CAST: variants seen among roughly 807,000 people sequenced by gnomAD.
CAST encodes calpastatin.
CAST carries 76 observed loss-of-function variants against 119.6 expected under a neutral mutation model. The ratio of observed to expected loss-of-function variants is 0.64; its 90% CI spans 0.53 to 0.77. The LOEUF is 0.77. Among genes scored for constraint, CAST ranks in the 30% least tolerant of loss-of-function variants. CAST has a pLI of 0.00. For synonymous variants in CAST, 319 were observed against 331.6 expected (o/e 0.96, Z 0.41); for missense variants, 953 against 946.5 (o/e 1.01, Z -0.09).
chr5:96,635,081 A>G (rs138873825), intron 1 of CAST, among the ~76,000 whole-genome samples: 15 of 152,360 alleles, frequency 9.8e-5, no homozygotes, highest in Non-Finnish European at 1.8e-4. Context: ...TGGGTAGAAC[A>G]TGACACAGTA....
chr5:96,644,744 G>GC (rs1747995052), intron 1 of CAST, among the ~76,000 whole-genome samples: 2 of 152,190 alleles, frequency 1.3e-5, no homozygotes, highest in Admixed American at 6.5e-5. Context: ...GGAGGGTGAG[G>GC]CGAGTGGACC....
At chr5:96,475,563 C>T in the CAST span, among the ~76,000 whole-genome samples, 11 of 152,220 alleles carry the variant, frequency 7.2e-5, no homozygotes, top group Admixed American at 5.2e-4. Flanking sequence ...CCAGATGGGC[C>T]GAGTACCCTG....
chr5:96,233,923 A>G, the CAST span, among the ~76,000 whole-genome samples: 2 of 151,898 alleles, frequency 1.3e-5, no homozygotes, highest in Admixed American at 1.3e-4. Flanking sequence ...CGTTGTAGAT[A>G]AGATTTTTTG....
At chr5:96,497,448 A>T in the CAST span, among the ~76,000 whole-genome samples, 69 of 152,180 alleles carry the variant, frequency 4.5e-4, 1 homozygote, top group Middle Eastern at 3.4e-3. Flanking sequence ...TGACTTCCAC[A>T]ATGGTTGAAC....
chr5:96,210,120 G>T, the CAST span: 2 of 151,594 alleles, frequency 1.3e-5, no homozygotes, highest in African/African-American at 4.8e-5. Flanking sequence ...GGTCTATTTT[G>T]AAAATTATGG....
At chr5:96,727,421 G>T in intron 5 of CAST, 68 bp from the exon 6 acceptor site, 1 of 805,228 alleles carries the variant, frequency 1.2e-6, no homozygotes, top group Non-Finnish European at 2.0e-6. Context: ...ATCTGTGATA[G>T]TCTTTGTAAA....
chr5:96,708,234 T>C (rs1456981191), intron 3 of CAST, among the ~76,000 whole-genome samples: 1 of 152,158 alleles, frequency 6.6e-6, no homozygotes, highest in African/African-American at 2.4e-5. Flanking sequence ...GAGAGGTGAG[T>C]CTGCATCAGG....
rs143723604 is a variant in CAST, at chr5:96,774,297, TA to T, written c.*1684del. On this transcript the variant is annotated 3_prime_UTR_variant, in exon 32 of 32. Transcript: ENST00000675179. Reference sequence around the variant, plus strand: ...AATGGCATACCAAAATCCAGAAGTTTAAAGATGCCTATAAAAGTAAACAACA... The same window carrying T: ...AATGGCATACCAAAATCCAGAAGTTTAAGATGCCTATAAAAGTAAACAACA... The T allele has an allele frequency of 0.056, 9,335 of 167,998 alleles. 340 individuals are homozygous for T. The highest frequency in any genetic ancestry group is 0.13 in the South Asian group (687 of 5,100). The allele number at this position is 167,998 out of a possible 1,614,324, so 10.4% of individuals were successfully genotyped here. A position where few individuals can be genotyped will look rare whatever the true frequency, so the allele number is the denominator to read the frequency against.
the CAST span, among the ~76,000 whole-genome samples, chr5:96,226,208 T>C: frequency 6.6e-6 from 1 of 152,314 alleles, no homozygotes; most frequent in Non-Finnish European, 1.5e-5. Flanking sequence ...CTTAGCCCCA[T>C]ATAGACTGGG....
chr5:96,043,977 C>T, the CAST span, among the ~76,000 whole-genome samples: 1 of 152,180 alleles, frequency 6.6e-6, no homozygotes, highest in Non-Finnish European at 1.5e-5. Flanking sequence ...TGAAAGCATA[C>T]TATCAAATGC....
At chr5:96,228,666 A>G in the CAST span, among the ~76,000 whole-genome samples, 1,792 of 152,316 alleles carry the variant, frequency 0.012, 28 homozygotes, top group African/African-American at 0.038. Flanking sequence ...TCATTTTCAT[A>G]TTGAAAGCCT....
intron 1 of CAST, among the ~76,000 whole-genome samples, chr5:96,639,455 T>G (rs188996163): frequency 6.6e-6 from 1 of 152,292 alleles, no homozygotes; most frequent in East Asian, 1.9e-4. Flanking sequence ...CTCTTCTTCA[T>G]CCCCACTGCT....
At chr5:96,114,584 G>T in the CAST span, among the ~76,000 whole-genome samples, 5 of 152,116 alleles carry the variant, frequency 3.3e-5, no homozygotes, top group Admixed American at 1.3e-4. Flanking sequence ...AAATTTTCCA[G>T]GGCTTCTGAC....
intron 1 of CAST, among the ~76,000 whole-genome samples, chr5:96,578,375 C>T (rs1355022063): frequency 2.7e-5 from 4 of 150,110 alleles, no homozygotes; most frequent in Middle Eastern, 3.5e-3. Flanking sequence ...CAACTGTATG[C>T]GGTCCATAAG....
At chr5:96,189,743 G>T in the CAST span, among the ~76,000 whole-genome samples, 1 of 151,600 alleles carries the variant, frequency 6.6e-6, no homozygotes, top group East Asian at 1.9e-4. Flanking sequence ...ATAAATTTTT[G>T]ATTTTTGCAT....
chr5:96,116,529 C>T, the CAST span, among the ~76,000 whole-genome samples: 2 of 152,246 alleles, frequency 1.3e-5, no homozygotes, highest in South Asian at 2.1e-4. Context: ...GTTGTACTCC[C>T]CAGCAATATA....
At chr5:96,663,412 C>A (rs75549795) in intron 1 of CAST, among the ~76,000 whole-genome samples, 7 of 152,298 alleles carry the variant, frequency 4.6e-5, no homozygotes, top group African/African-American at 1.4e-4. Context: ...TCTCTCGCCC[C>A]GATGTCAAGC....
At chr5:96,687,677 T>C (rs1012632096) in intron 2 of CAST, among the ~76,000 whole-genome samples, 3 of 152,220 alleles carry the variant, frequency 2.0e-5, no homozygotes, top group African/African-American at 4.8e-5. Flanking sequence ...TGGACTTTAG[T>C]ACCATTCTAG....
intron 1 of CAST, among the ~76,000 whole-genome samples, chr5:96,605,478 T>G (rs1018700871): frequency 4.6e-5 from 7 of 152,252 alleles, no homozygotes; most frequent in African/African-American, 7.2e-5. Context: ...CCAACATATT[T>G]TGCCTTCTCC....
Sources: allele counts gnomAD v4.1 joint callset (sites outside exome capture counted in the v4.1 genomes callset), GRCh38; gene constraint gnomAD v4.1.1; transcripts MANE v1.5; gene names NCBI Gene and HGNC (gene_info 2026-07-23, HGNC 2026-07-21).